The following KIAA1328 variants were observed in gnomAD, a reference collection of about 807,000 sequenced individuals.
KIAA1328 encodes protein hinderin.
KIAA1328 carries 52 observed loss-of-function variants against 68.1 expected under a neutral mutation model. The ratio of observed to expected loss-of-function variants is 0.76; its 90% CI spans 0.61 to 0.96. The LOEUF is 0.96. KIAA1328 is among the 40% of genes least tolerant of loss of function. The probability of loss-of-function intolerance (pLI) is 0.00; values close to 1 mark genes in which losing one functional copy is unlikely to be tolerated. For missense variants in KIAA1328, 641 were observed against 677.6 expected, an observed-to-expected ratio of 0.95 and a Z score of 0.60; for synonymous variants, 232 against 239.4, an observed-to-expected ratio of 0.97 and a Z score of 0.28.
chr18:36,832,445 C>T (rs1206366740), intron 1 of KIAA1328, among the ~76,000 whole-genome samples: 1 of 151,774 alleles, frequency 6.6e-6, no homozygotes, highest in Non-Finnish European at 1.5e-5. Context: ...AAAAATTAGC[C>T]AGGTGTGGCG....
At chr18:36,902,676 G>A (rs2049082698) in intron 5 of KIAA1328, among the ~76,000 whole-genome samples, 1 of 151,986 alleles carries the variant, frequency 6.6e-6, no homozygotes, top group Non-Finnish European at 1.5e-5. Flanking sequence ...AACTTTACCT[G>A]CTTGGTTATA....
chr18:37,105,916 C>CAAAAAAAAAAAAAAAAAAAAA (rs58940699), intron 7 of KIAA1328, among the ~76,000 whole-genome samples: 10 of 19,504 alleles, frequency 5.1e-4, no homozygotes, highest in African/African-American at 1.1e-3. Flanking sequence ...GACTCTGTGT[C>CAAAAAAAAAAAAAAAAAAAAA]AAAAAAAAAA....
intron 7 of KIAA1328, among the ~76,000 whole-genome samples, 161 bp downstream of exon 7, chr18:37,067,706 C>T (rs2056394950): frequency 6.6e-6 from 1 of 152,030 alleles, no homozygotes; most frequent in South Asian, 2.1e-4. Flanking sequence ...ATTACAGGCG[C>T]CCGCCACCAT....
At chr18:37,013,040 C>T (rs2054029154) in intron 6 of KIAA1328, among the ~76,000 whole-genome samples, 1 of 152,040 alleles carries the variant, frequency 6.6e-6, no homozygotes, top group African/African-American at 2.4e-5. Context: ...GTTAGTAACT[C>T]CCTGGGTGGC....
chr18:36,861,603 CTATT>C (rs1158846087), intron 4 of KIAA1328, among the ~76,000 whole-genome samples: 5 of 152,000 alleles, frequency 3.3e-5, no homozygotes, highest in African/African-American at 7.2e-5. Context: ...CCCTTTTGCC[CTATT>C]TATTTATTAC....
intron 7 of KIAA1328, among the ~76,000 whole-genome samples, chr18:37,102,207 A>G (rs763360026): frequency 1.3e-4 from 20 of 152,214 alleles, no homozygotes; most frequent in Non-Finnish European, 2.4e-4. Context: ...AACATATGCA[A>G]TTCACTAAAT....
intron 4 of KIAA1328, among the ~76,000 whole-genome samples, chr18:36,859,468 T>G (rs909503533): frequency 2.0e-5 from 3 of 151,976 alleles, no homozygotes; most frequent in Non-Finnish European, 2.9e-5. Context: ...AAAAAAATGA[T>G]CAGTTCCCTC....
intron 7 of KIAA1328, among the ~76,000 whole-genome samples, chr18:37,076,088 G>A (rs1164627683): frequency 1.3e-5 from 2 of 152,114 alleles, no homozygotes; most frequent in Non-Finnish European, 2.9e-5. Context: ...TGGAAGTAAA[G>A]CTCTCCTCAG....
At chr18:37,066,829 A>T in intron 6 of KIAA1328, 61 bp from the exon 7 acceptor site, 1 of 1,432,488 alleles carries the variant, frequency 7.0e-7, no homozygotes, top group Non-Finnish European at 9.3e-7. Context: ...CTGAAAAACC[A>T]AACGAAAGAA....
chr18:37,112,266 C>G (rs887439028), intron 7 of KIAA1328, among the ~76,000 whole-genome samples: 1 of 152,180 alleles, frequency 6.6e-6, no homozygotes, highest in East Asian at 1.9e-4. Flanking sequence ...CTGGGAGACA[C>G]CTCCCAATAG....
At chr18:36,976,207 G>A (rs1005546030) in intron 6 of KIAA1328, among the ~76,000 whole-genome samples, 17 of 152,102 alleles carry the variant, frequency 1.1e-4, no homozygotes, top group Non-Finnish European at 2.2e-4. Context: ...AGACACCTGT[G>A]GCTATAATTT....
chr18:37,134,134 C>T (rs1357402937), intron 7 of KIAA1328, among the ~76,000 whole-genome samples: 1 of 152,064 alleles, frequency 6.6e-6, no homozygotes, highest in Non-Finnish European at 1.5e-5. Context: ...CTGCCTCAGC[C>T]TCCCGAGTAG....
chr18:37,161,685 G>A (rs1438382406), intron 8 of KIAA1328, among the ~76,000 whole-genome samples: 1 of 152,232 alleles, frequency 6.6e-6, no homozygotes, highest in Non-Finnish European at 1.5e-5. Context: ...ACTTTGGAGA[G>A]TGAAGAACTA....
chr18:37,076,896 A>T (rs2056758275), intron 7 of KIAA1328, among the ~76,000 whole-genome samples: 1 of 152,180 alleles, frequency 6.6e-6, no homozygotes, highest in Non-Finnish European at 1.5e-5. Context: ...GCCGAATTCT[A>T]CCAGAGATAC....
At chr18:36,911,938 A>T (rs1273579958) in intron 5 of KIAA1328, among the ~76,000 whole-genome samples, 3 of 152,144 alleles carry the variant, frequency 2.0e-5, no homozygotes, top group Admixed American at 1.3e-4. Context: ...TTTTACTGGG[A>T]ATAGGAAAAT....
intron 4 of KIAA1328, among the ~76,000 whole-genome samples, chr18:36,869,494 C>T (rs1157985390): frequency 6.6e-6 from 1 of 151,968 alleles, no homozygotes; most frequent in East Asian, 1.9e-4. Flanking sequence ...TTCCTGTGAC[C>T]TTGCTAGATC....
At chr18:36,911,078 C>T (rs894089964) in intron 5 of KIAA1328, among the ~76,000 whole-genome samples, 2 of 152,118 alleles carry the variant, frequency 1.3e-5, no homozygotes, top group African/African-American at 4.8e-5. Context: ...TACCCTCTTC[C>T]CTTTTGCATC....
At chr18:37,198,598 A>T (rs1308447380) in intron 9 of KIAA1328, among the ~76,000 whole-genome samples, 3 of 152,218 alleles carry the variant, frequency 2.0e-5, no homozygotes, top group African/African-American at 4.8e-5. Context: ...GCAATAAAAT[A>T]TTGAAAGTTC....
chr18:37,027,599 C>A (rs576501136), intron 6 of KIAA1328, among the ~76,000 whole-genome samples: 1 of 152,074 alleles, frequency 6.6e-6, no homozygotes, highest in African/African-American at 2.4e-5. Context: ...ACAAACCTGA[C>A]AAAAACAAGA....
Sources: gnomAD v4.1 joint callset for allele counts (sites outside exome capture counted in the v4.1 genomes callset) on GRCh38, gnomAD v4.1.1 for gene constraint, MANE v1.5 for transcripts, NCBI Gene and HGNC (gene_info 2026-07-23, HGNC 2026-07-21) for gene names.